SOX5: variants seen among roughly 807,000 people sequenced by gnomAD.
The protein encoded by SOX5 is SRY-box transcription factor 5.
In SOX5, 9 loss-of-function variants were observed where a neutral mutation model predicts 92.0. The ratio of observed to expected loss-of-function variants is 0.10; its 90% confidence interval spans 0.06 to 0.17. The LOEUF (loss-of-function observed/expected upper bound fraction) is 0.17. Ranked by LOEUF, SOX5 falls within the 10% of genes least tolerant of loss-of-function variation. The pLI, the probability that SOX5 is intolerant of heterozygous loss-of-function variation, is 1.00. For synonymous variants in SOX5, 344 were observed against 336.3 expected (o/e 1.02, Z -0.25); for missense variants, 642 against 944.5 (o/e 0.68, Z 4.20).
In SOX5 at chr12:24,438,457, T is replaced by A. The variant is rs866245218; in HGVS notation, c.-250-69818A>T. Among the ~76,000 whole-genome samples the A allele has an allele frequency of 4.7e-4, 71 of 152,112 alleles. No homozygotes were observed. In the Middle Eastern group the frequency reaches 0.017, roughly 36 times the overall value. ...AAAAAAAATATACATATATATATATTTTGTAAGGCTATAGCTGCCATAGAT... is the reference window on the plus strand; with the variant it reads ...AAAAAAAATATACATATATATATATATTGTAAGGCTATAGCTGCCATAGAT... On this transcript the variant is annotated intron_variant, in intron 1 of 4. Transcript: ENST00000446891.
At chr12:24,521,147 C>T (rs1408890013) in intron 1 of SOX5, among the ~76,000 whole-genome samples, 5 of 152,142 alleles carry the variant, frequency 3.3e-5, no homozygotes, top group African/African-American at 7.2e-5. Flanking sequence ...CTCCGCCTCC[C>T]GGGTACAAGC....
chr12:24,227,912 T>C (rs566176871), intron 3 of SOX5: 1 of 152,220 alleles, frequency 6.6e-6, no homozygotes, highest in Non-Finnish European at 1.5e-5. Flanking sequence ...GTCACGATCA[T>C]CCATTTTCCC....
At chr12:24,560,071 T>C (rs2139071956) in intron 1 of SOX5, among the ~76,000 whole-genome samples, 1 of 152,250 alleles carries the variant, frequency 6.6e-6, no homozygotes, top group East Asian at 1.9e-4. Context: ...GGATCAATAC[T>C]ACCCACTCAA....
chr12:24,152,971 G>A (rs935337547), intron 4 of SOX5, among the ~76,000 whole-genome samples: 1 of 152,040 alleles, frequency 6.6e-6, no homozygotes, highest in East Asian at 1.9e-4. Flanking sequence ...TGTTGAGCTC[G>A]AAGACTCTGA....
At chr12:23,902,471 C>CA (rs1222643196) in intron 1 of SOX5, among the ~76,000 whole-genome samples, 1 of 152,092 alleles carries the variant, frequency 6.6e-6, no homozygotes, top group East Asian at 1.9e-4. Flanking sequence ...AGAGGAAACT[C>CA]AAATTCCAGT....
Position 23,853,188 on chromosome 12 carries a change from T to G in SOX5, c.271-6995A>C, listed in dbSNP as rs539218093. On this transcript the variant is annotated intron_variant, in intron 2 of 14. Coordinates refer to ENST00000451604, the MANE Select transcript of SOX5 (RefSeq NM_006940.6). ...GACTTTGAATTTTTTAATAGTCATT[T>G]TGGCATTTGTTGAAACACGCTTATG... Among the ~76,000 whole-genome samples the G allele has an allele frequency of 1.5e-4, 22 of 150,946 alleles. No individual in the cohort carries two copies. The South Asian group carries it at 4.2e-3, about 28-fold the overall frequency.
At chr12:24,308,469 C>G (rs1359028191) in intron 2 of SOX5, among the ~76,000 whole-genome samples, 1 of 152,186 alleles carries the variant, frequency 6.6e-6, no homozygotes, top group African/African-American at 2.4e-5. Flanking sequence ...GCCTCTGTCT[C>G]TCCTTCTGCC....
intron 10 of SOX5, among the ~76,000 whole-genome samples, chr12:23,564,314 G>A (rs188917603): frequency 6.6e-6 from 1 of 152,206 alleles, no homozygotes; most frequent in African/African-American, 2.4e-5. Flanking sequence ...TAGTACTGAG[G>A]GAAAAAGATT....
chr12:23,604,208 A>G lies in SOX5; in HGVS notation c.1164+179T>C, dbSNP rs2074944213. On this transcript the variant is annotated intron_variant, in intron 9 of 14. Transcript: ENST00000451604. The stretch of plus-strand genomic sequence containing the variant: ...ACACGCATATTGAATAAATGAATAA[A>G]TGAATGATTCAATGTATGCAGATAA... The G allele has an allele frequency of 8.5e-6, 5 of 586,846 alleles. No homozygotes were observed. The East Asian group carries it at 1.4e-4, about 17-fold the overall frequency. The allele number at this position is 586,846 out of a possible 1,614,324, so 36.4% of individuals were successfully genotyped here. A position where few individuals can be genotyped will look rare whatever the true frequency, so the allele number is the denominator to read the frequency against.
Position 23,944,865 on chromosome 12 carries a change from G to A in SOX5, c.38+4699C>T, listed in dbSNP as rs141292799. 4.9e-4 allele frequency among the ~76,000 whole-genome samples: 74 copies of A among 152,226 alleles called. No homozygotes were observed. In the East Asian group the frequency reaches 0.013, roughly 27 times the overall value. On this transcript the variant is annotated intron_variant, in intron 1 of 14. Coordinates refer to ENST00000451604, the MANE Select transcript of SOX5 (RefSeq NM_006940.6). ...CTGCCATCATCTGAGTCAGAGACCT[G>A]GCACATTGGAACTATACGTGAGTTA...
intron 3 of SOX5, among the ~76,000 whole-genome samples, chr12:23,790,381 A>G (rs2095449491): frequency 1.3e-5 from 2 of 152,192 alleles, no homozygotes; most frequent in African/African-American, 4.8e-5. Context: ...TAGAAAATAA[A>G]AATTCTGTCA....
chr12:24,423,416 T>C (rs1966232286), intron 1 of SOX5, among the ~76,000 whole-genome samples: 1 of 152,236 alleles, frequency 6.6e-6, no homozygotes, highest in Admixed American at 6.5e-5. Context: ...TACTATACAC[T>C]ATCAAAGAGT....
chr12:23,820,255 G>T (rs1212372512), intron 3 of SOX5, among the ~76,000 whole-genome samples: 1 of 152,026 alleles, frequency 6.6e-6, no homozygotes, highest in African/African-American at 2.4e-5. Flanking sequence ...CATATCCTTT[G>T]CCCACTTTTT....
At chr12:24,330,781 A>G (rs1317673604) in intron 2 of SOX5, among the ~76,000 whole-genome samples, 1 of 152,244 alleles carries the variant, frequency 6.6e-6, no homozygotes, top group Admixed American at 6.5e-5. Context: ...ACCTAAACAC[A>G]ATCATTTGAT....
intron 1 of SOX5, among the ~76,000 whole-genome samples, chr12:23,927,109 A>G (rs1246251829): frequency 6.6e-6 from 1 of 152,160 alleles, no homozygotes; most frequent in Non-Finnish European, 1.5e-5. Context: ...CAAAAGGATT[A>G]TAGTCTGGAT....
chr12:23,639,506 C>A (rs2079751685), intron 8 of SOX5, among the ~76,000 whole-genome samples: 2 of 152,186 alleles, frequency 1.3e-5, no homozygotes, highest in South Asian at 4.1e-4. Flanking sequence ...TTCCACTACT[C>A]TTTTTAGCTT....
chr12:23,932,261 C>A (rs1941609585), intron 1 of SOX5, among the ~76,000 whole-genome samples: 1 of 151,518 alleles, frequency 6.6e-6, no homozygotes, highest in Non-Finnish European at 1.5e-5. Context: ...AAGCAAGTGG[C>A]CTGGACTCCT....
chr12:24,164,712 AC>A (rs1307180404), intron 4 of SOX5, among the ~76,000 whole-genome samples: 1 of 152,072 alleles, frequency 6.6e-6, no homozygotes, highest in Non-Finnish European at 1.5e-5. Flanking sequence ...GTTACTTTTC[AC>A]TTGTGTTATC....
At chr12:23,969,504 T>G (rs1326893817) in intron 4 of SOX5, among the ~76,000 whole-genome samples, 1 of 152,246 alleles carries the variant, frequency 6.6e-6, no homozygotes, top group Non-Finnish European at 1.5e-5. Context: ...TACAGCAGTT[T>G]TATCTCTGTT....
Sources: gnomAD v4.1 joint callset for allele counts (sites outside exome capture counted in the v4.1 genomes callset) on GRCh38, gnomAD v4.1.1 for gene constraint, MANE v1.5 for transcripts, NCBI Gene and HGNC (gene_info 2026-07-23, HGNC 2026-07-21) for gene names.